Variants in ITK observed in about 807,000 individuals in gnomAD.
The protein encoded by ITK is IL2 inducible T cell kinase, also known as tyrosine-protein kinase ITK/TSK.
A neutral mutation model predicts 87.6 loss-of-function variants in ITK; 45 were observed. The observed-to-expected ratio is 0.51, with a 90% CI of 0.40 to 0.66. The LOEUF (loss-of-function observed/expected upper bound fraction) is 0.66. Among genes scored for constraint, ITK ranks in the 30% least tolerant of loss-of-function variants. The pLI, the probability that ITK is intolerant of heterozygous loss-of-function variation, is 0.00. For missense variants in ITK, 605 were observed against 766.3 expected, an observed-to-expected ratio of 0.79 and a Z score of 2.48; for synonymous variants, 303 against 273.6, an observed-to-expected ratio of 1.11 and a Z score of -1.06.
At chr5:157,227,453 C>T (rs1754554872) in intron 6 of ITK, among the ~76,000 whole-genome samples, 2 of 152,028 alleles carry the variant, frequency 1.3e-5, no homozygotes, top group Non-Finnish European at 2.9e-5. Context: ...GTGTTTATAC[C>T]GTTCATATCT....
Position 157,217,262 on chromosome 5 carries a change from C to T in ITK, c.455-605C>T, listed in dbSNP as rs75403839. On this transcript the variant is annotated intron_variant, in intron 4 of 16. Transcript: ENST00000422843. The stretch of plus-strand genomic sequence containing the variant: ...GGAAGAGAGAGGAGAGCTAAACAGA[C>T]GGAGACATGGAAACAGAGATAAGCA... Among the ~76,000 whole-genome samples, 670 of 152,122 alleles carry T rather than the reference C, an allele frequency of 4.4e-3. 14 individuals carry two copies. Among genetic ancestry groups the T allele is most frequent in the Admixed American group, 0.028 (429 of 15,276 alleles).
Position 157,253,558 on chromosome 5 carries a change from A to G in ITK, c.*880A>G, listed in dbSNP as rs769168325. 1.5e-4 allele frequency: 35 copies of G among 227,708 alleles called. No individual in the cohort carries two copies. The highest frequency in any genetic ancestry group is 2.7e-4 in the Non-Finnish European group (31 of 114,608). 14.1% of individuals were successfully genotyped at this position (227,708 alleles called of 1,614,324 possible). A position where few individuals can be genotyped will look rare whatever the true frequency, so the allele number is the denominator to read the frequency against. On this transcript the variant is annotated 3_prime_UTR_variant, in exon 17 of 17. Transcript: ENST00000422843. Reference sequence around the variant, plus strand: ...TTCTGCACAGAATGCTTCCACCAGCATCCTGAGAAGAAATGATTACTTCTG... The same window carrying G: ...TTCTGCACAGAATGCTTCCACCAGCGTCCTGAGAAGAAATGATTACTTCTG...
chr5:157,216,113 C>T (rs1381245027), intron 4 of ITK, among the ~76,000 whole-genome samples: 2 of 152,220 alleles, frequency 1.3e-5, no homozygotes, highest in Non-Finnish European at 2.9e-5. Context: ...AGCATCTCCT[C>T]ACTCTACCCT....
chr5:157,192,355 G>A (rs186084366), intron 1 of ITK, among the ~76,000 whole-genome samples: 1 of 152,262 alleles, frequency 6.6e-6, no homozygotes, highest in Admixed American at 6.5e-5. Context: ...CCTTATCAAG[G>A]AGCAAATGAA....
intron 6 of ITK, among the ~76,000 whole-genome samples, chr5:157,226,801 T>C (rs1754540608): frequency 2.3e-5 from 3 of 128,718 alleles, no homozygotes; most frequent in Non-Finnish European, 5.6e-5. Context: ...TGTTTTGTTT[T>C]GTTTTTTTGT....
At chr5:157,193,786 T>C (rs192473020) in intron 1 of ITK, among the ~76,000 whole-genome samples, 188 of 152,242 alleles carry the variant, frequency 1.2e-3, no homozygotes, top group African/African-American at 4.4e-3. Context: ...CATAATCCAA[T>C]AGAGGTGTTG....
Position 157,201,697 on chromosome 5 carries a change from A to G in ITK, c.139-7192A>G, listed in dbSNP as rs907853822. 1.9e-3 allele frequency among the ~76,000 whole-genome samples: 286 copies of G among 151,484 alleles called. 1 individual carries two copies. The highest frequency in any genetic ancestry group is 3.6e-3 in the Admixed American group (54 of 15,176). On this transcript the variant is annotated intron_variant, in intron 1 of 16. Coordinates refer to ENST00000422843, the MANE Select transcript of ITK (RefSeq NM_005546.4). ...GAAATTCTCCAGATTGAGAAAAAAA[A>G]GTAGAACTCTTTTTCATTGCACACC... is the stretch of plus-strand genomic sequence containing the variant.
At chr5:157,215,378 A>G (rs1291995773) in intron 4 of ITK, among the ~76,000 whole-genome samples, 1 of 152,188 alleles carries the variant, frequency 6.6e-6, no homozygotes. Flanking sequence ...CCTGATTCAT[A>G]GGCCCTCTCA....
chr5:157,181,171 G>C (rs1753506833), intron 1 of ITK, 56 bp downstream of exon 1: 1 of 1,564,140 alleles, frequency 6.4e-7, no homozygotes, highest in African/African-American at 1.4e-5. Context: ...TTTGGACTGG[G>C]CTAATGCAAA....
intron 4 of ITK, among the ~76,000 whole-genome samples, 161 bp from the exon 5 acceptor site, chr5:157,217,706 C>G (rs553878238): frequency 2.6e-5 from 4 of 152,166 alleles, no homozygotes; most frequent in African/African-American, 9.7e-5. Flanking sequence ...TCTGACAAGG[C>G]CAAGTCAGGT....
At chr5:157,248,561 T>G (rs910151405) in intron 15 of ITK, among the ~76,000 whole-genome samples, 5 of 152,212 alleles carry the variant, frequency 3.3e-5, no homozygotes, top group African/African-American at 1.2e-4. Flanking sequence ...TGCACTCCAT[T>G]CATTTACATC....
At chr5:157,224,021 C>T (rs564562206) in intron 6 of ITK, among the ~76,000 whole-genome samples, 5 of 152,282 alleles carry the variant, frequency 3.3e-5, no homozygotes, top group East Asian at 1.9e-4. Context: ...CACTGGCTCA[C>T]GCCTGTAATC....
chr5:157,209,920 T>A (rs1444735572), intron 2 of ITK, among the ~76,000 whole-genome samples: 4 of 148,270 alleles, frequency 2.7e-5, no homozygotes, highest in Non-Finnish European at 6.0e-5. Context: ...TTCCTATCAC[T>A]GCAGAAATTT....
chr5:157,248,860 G>A lies in ITK; in HGVS notation c.1644G>A (p.Met548Ile). The A allele has an allele frequency of 6.2e-7, 1 of 1,613,998 alleles. No homozygotes were observed. Among genetic ancestry groups the A allele is most frequent in the Non-Finnish European group, 8.5e-7 (1 of 1,179,876 alleles). ...CACCATTTCTTGTAGGTGTGCTGAT[G>A]TGGGAAGTTTTCAGTGAAGGCAAAA... ...KSDVWSFGVL[M>I]WEVFSEGKIP... The change falls in exon 16 of 17, where the codon ATG becomes ATA. Residue 548 changes from methionine (M) to isoleucine (I), a missense_variant. Transcript: ENST00000422843.
chr5:157,181,916 A>G (rs971942760), intron 1 of ITK, among the ~76,000 whole-genome samples: 1 of 152,248 alleles, frequency 6.6e-6, no homozygotes, highest in Non-Finnish European at 1.5e-5. Flanking sequence ...TAGAAAAAGC[A>G]TTGGACAAAG....
intron 1 of ITK, among the ~76,000 whole-genome samples, chr5:157,188,702 A>G (rs1753693526): frequency 6.6e-6 from 1 of 152,216 alleles, no homozygotes; most frequent in Admixed American, 6.5e-5. Flanking sequence ...GGGTCACTGC[A>G]ACCTCTGCCT....
intron 1 of ITK, among the ~76,000 whole-genome samples, chr5:157,207,508 G>T (rs1040596089): frequency 1.5e-4 from 23 of 148,606 alleles, no homozygotes; most frequent in Non-Finnish European, 3.3e-4. Flanking sequence ...AGCCTCCAGA[G>T]TAGCTGGGAT....
intron 6 of ITK, among the ~76,000 whole-genome samples, chr5:157,227,079 C>G (rs1037744182): frequency 6.6e-6 from 1 of 152,178 alleles, no homozygotes; most frequent in Non-Finnish European, 1.5e-5. Context: ...CTCAGCCTCC[C>G]AAAGTACTAG....
intron 1 of ITK, among the ~76,000 whole-genome samples, chr5:157,191,601 C>A (rs138167901): frequency 6.6e-6 from 1 of 152,174 alleles, no homozygotes; most frequent in South Asian, 2.1e-4. Context: ...TAATGCATGA[C>A]AATTTTATAT....
Sources: gnomAD v4.1 joint callset for allele counts (sites outside exome capture counted in the v4.1 genomes callset) on GRCh38, gnomAD v4.1.1 for gene constraint, MANE v1.5 for transcripts, NCBI Gene and HGNC (gene_info 2026-07-23, HGNC 2026-07-21) for gene names.